Variants in LRRK1 observed in about 807,000 individuals in gnomAD.
The protein encoded by LRRK1 is leucine rich repeat kinase 1.
A neutral mutation model predicts 209.1 loss-of-function variants in LRRK1; 113 were observed. The ratio of observed to expected loss-of-function variants is 0.54; its 90% confidence interval spans 0.46 to 0.63. The LOEUF is 0.63. Ranked by LOEUF, LRRK1 falls within the 30% of genes least tolerant of loss-of-function variation. The pLI, the probability that LRRK1 is intolerant of heterozygous loss-of-function variation, is 0.00. For missense variants in LRRK1, 2,284 were observed against 2,632.2 expected (o/e 0.87, Z 2.89); for synonymous variants, 1,144 against 1,099.7 (o/e 1.04, Z -0.80).
intron 2 of LRRK1, among the ~76,000 whole-genome samples, chr15:100,950,722 A>G (rs1357950060): frequency 6.6e-6 from 1 of 152,254 alleles, no homozygotes; most frequent in East Asian, 1.9e-4. Flanking sequence ...AATGGGAGAA[A>G]ATATTTCCAA....
chr15:101,022,432 A>G lies in LRRK1; in HGVS notation c.1902A>G (p.Glu634=), dbSNP rs74990541. Residue 634 remains glutamate, a synonymous_variant, in exon 15 of 34, where the codon GAA becomes GAG. Transcript: ENST00000388948. The surrounding 1 kb of genome is among the most constrained non-coding windows in gnomAD (Gnocchi z 4.0). ...SYLRAQLRKA[E]KCKLMKMIIV... ...TGCGTGCTCAGCTGCGGAAAGCGGA[A>G]AAGTGCAAGCTGATGAAGATGATCA... is the stretch of plus-strand genomic sequence containing the variant. The G allele has an allele frequency of 4.0e-4, 640 of 1,614,224 alleles. 5 individuals carry two copies. In the African/African-American group the frequency reaches 6.2e-3, roughly 16 times the overall value.
At chr15:100,954,205 T>C (rs912547748) in intron 2 of LRRK1, among the ~76,000 whole-genome samples, 2 of 152,162 alleles carry the variant, frequency 1.3e-5, no homozygotes, top group African/African-American at 2.4e-5. Flanking sequence ...TGAGTCACCG[T>C]GCCCGGCCTA....
At chr15:101,009,091 G>T in intron 7 of LRRK1, 28 bp downstream of exon 7, 2 of 1,525,358 alleles carry the variant, frequency 1.3e-6, no homozygotes, top group Non-Finnish European at 1.8e-6. Flanking sequence ...GACCGGAGCC[G>T]TGTGTGACCC....
chr15:101,053,742 G>C (rs1596331824), intron 26 of LRRK1, among the ~76,000 whole-genome samples: 2 of 152,328 alleles, frequency 1.3e-5, no homozygotes, highest in South Asian at 4.1e-4. Flanking sequence ...CCGAGCACGG[G>C]AGCTGCATTG....
rs959441060 is a variant in LRRK1 at position 101,076,181 on chromosome 15, C to G, written c.*7333C>G. On this transcript the variant is annotated 3_prime_UTR_variant, in exon 34 of 34. Transcript: ENST00000388948. ...TACTGTTTTAGCCTAGCCCTCATGT[C>G]TCTGTGCAGCGGCTGCTGCCACCCT... The G allele has an allele frequency of 6.6e-6, 1 of 152,170 alleles. No homozygotes were observed. Among genetic ancestry groups the G allele is most frequent in the Non-Finnish European group, 1.5e-5 (1 of 68,048 alleles). 9.4% of individuals were successfully genotyped at this position (152,170 alleles called of 1,614,324 possible).
intron 3 of LRRK1, among the ~76,000 whole-genome samples, chr15:100,978,985 A>G (rs535821327): frequency 6.6e-6 from 1 of 152,218 alleles, no homozygotes; most frequent in African/African-American, 2.4e-5. Flanking sequence ...GGATGCAAAA[A>G]TTCTTCACAA....
intron 2 of LRRK1, among the ~76,000 whole-genome samples, chr15:100,947,319 T>C (rs966758545): frequency 1.3e-5 from 2 of 152,004 alleles, no homozygotes; most frequent in African/African-American, 4.8e-5. Flanking sequence ...TAGAAAAAAA[T>C]AGAAACAATT....
chr15:101,044,786 T>A (rs2034966305), intron 20 of LRRK1, among the ~76,000 whole-genome samples: 1 of 152,080 alleles, frequency 6.6e-6, no homozygotes, highest in South Asian at 2.1e-4. Flanking sequence ...CCAGGATGCA[T>A]GAGATGAAGT....
In LRRK1 at chr15:100,983,590, C is replaced by T; in HGVS notation, c.324C>T (p.Ser108=). ...TGGAGATGGTCCGCTACCTACTCAG[C>T]AAGAGACTGGTGGAGCTGCCCACCG... The part of the protein sequence containing the change: ...GDLEMVRYLL[S]KRLVELPTEP... The change falls in exon 4 of 34, where the codon AGC becomes AGT. Residue 108 remains serine (S), a synonymous_variant. Transcript: ENST00000388948. 6.2e-7 allele frequency: 1 copy of T among 1,612,298 alleles called. No homozygotes were observed. The highest frequency in any genetic ancestry group is 1.1e-5 in the South Asian group (1 of 90,890).
At chr15:101,061,785 A>T (rs2036197410) in intron 30 of LRRK1, among the ~76,000 whole-genome samples, 1 of 152,164 alleles carries the variant, frequency 6.6e-6, no homozygotes, top group Non-Finnish European at 1.5e-5. Flanking sequence ...CCAAGATAGG[A>T]GGATCACGAG....
chr15:100,943,371 G>C (rs1164768761), intron 2 of LRRK1, among the ~76,000 whole-genome samples: 1 of 152,070 alleles, frequency 6.6e-6, no homozygotes, highest in Non-Finnish European at 1.5e-5. Flanking sequence ...CATCTGATGG[G>C]GTTAAATGAA....
chr15:100,983,901 C>A lies in LRRK1; in HGVS notation c.433+202C>A, dbSNP rs368869849. 280 of 739,942 alleles carry A rather than the reference C, an allele frequency of 3.8e-4. 1 individual carries two copies. In the African/African-American group the frequency reaches 4.3e-3, roughly 11 times the overall value. The allele number at this position is 739,942 out of a possible 1,614,324, so 45.8% of individuals were successfully genotyped here. On this transcript the variant is annotated intron_variant, in intron 4 of 33. Coordinates refer to ENST00000388948, the MANE Select transcript of LRRK1 (RefSeq NM_024652.6). ...CCCATGAACTCATAAGGGAAATTCT[C>A]AAACACCATATTTCATAAAGAATGT...
intron 6 of LRRK1, among the ~76,000 whole-genome samples, chr15:100,997,548 AC>A (rs1596252157): frequency 6.6e-6 from 1 of 152,248 alleles, no homozygotes; most frequent in East Asian, 1.9e-4. Context: ...ACTGGCAATT[AC>A]AGAAATTCAA....
chr15:101,044,458 T>TGGTCATTCCCTGGGAC (rs2141120152), intron 20 of LRRK1, among the ~76,000 whole-genome samples: 1 of 152,340 alleles, frequency 6.6e-6, no homozygotes, highest in South Asian at 2.1e-4. Flanking sequence ...GCCGACTCAC[T>TGGTCATTCCCTGGGAC]GGTCATTCCC....
intron 2 of LRRK1, among the ~76,000 whole-genome samples, chr15:100,932,745 A>T (rs567437341): frequency 6.6e-6 from 1 of 152,300 alleles, no homozygotes; most frequent in African/African-American, 2.4e-5. Flanking sequence ...TGTAAAGAAG[A>T]TGCCTGCACC....
intron 2 of LRRK1, among the ~76,000 whole-genome samples, chr15:100,970,293 T>C (rs2030776927): frequency 6.6e-6 from 1 of 152,228 alleles, no homozygotes; most frequent in Non-Finnish European, 1.5e-5. Flanking sequence ...TGAACATGTG[T>C]GTGCCATCTC....
chr15:101,014,549 TAAC>T lies in LRRK1; in HGVS notation c.1532+126_1532+128del. On this transcript the variant is annotated intron_variant, in intron 11 of 33. Coordinates refer to ENST00000388948, the MANE Select transcript of LRRK1 (RefSeq NM_024652.6). ...GCTGCTGAGCCGCCAGCTGGGGGCT[TAAC>T]AACAGAAATCACTGCCTCACAGCCC... is the stretch of plus-strand genomic sequence containing the variant. The T allele has an allele frequency of 4.3e-6, 3 of 697,466 alleles. No individual in the cohort carries two copies. The East Asian group carries it at 8.3e-5, about 19-fold the overall frequency. The allele number at this position is 697,466 out of a possible 1,614,324, so 43.2% of individuals were successfully genotyped here.
chr15:101,069,353 C>G lies in LRRK1; in HGVS notation c.*505C>G, dbSNP rs901296128. 6.5e-6 allele frequency: 1 copy of G among 152,842 alleles called. No homozygotes were observed. The highest frequency in any genetic ancestry group is 2.4e-5 in the African/African-American group (1 of 41,466). 9.5% of individuals were successfully genotyped at this position (152,842 alleles called of 1,614,324 possible). On this transcript the variant is annotated 3_prime_UTR_variant, in exon 34 of 34. Coordinates refer to ENST00000388948, the MANE Select transcript of LRRK1 (RefSeq NM_024652.6). ...GCACATTCCACAGGCTCCTGAGTCC[C>G]CGAGGCCTGGGCCAGCTTGGGCAAG...
At chr15:100,921,686 A>G (rs1894182761) in intron 1 of LRRK1, among the ~76,000 whole-genome samples, 1 of 152,150 alleles carries the variant, frequency 6.6e-6, no homozygotes, top group Non-Finnish European at 1.5e-5. Flanking sequence ...CATAGAAAGA[A>G]CTCAATAAGA....
Sources: gnomAD v4.1 joint callset for allele counts (sites outside exome capture counted in the v4.1 genomes callset) on GRCh38, gnomAD v4.1.1 for gene constraint, Gnocchi (gnomAD v3.1) non-coding constraint, MANE v1.5 for transcripts, NCBI Gene and HGNC (gene_info 2026-07-23, HGNC 2026-07-21) for gene names.